Variants in CCDC138 observed in about 807,000 individuals in gnomAD.
CCDC138 encodes coiled-coil domain containing 138.
Under a neutral mutation model 82.3 loss-of-function variants are expected in CCDC138, and 66 were observed. The ratio of observed to expected loss-of-function variants is 0.80; its 90% confidence interval spans 0.66 to 0.98. The LOEUF (loss-of-function observed/expected upper bound fraction) is 0.98. Among genes scored for constraint, CCDC138 ranks in the 50% least tolerant of loss-of-function variants. The pLI is 0.00. For missense variants in CCDC138, 816 were observed against 758.9 expected, an observed-to-expected ratio of 1.08 and a Z score of -0.88; for synonymous variants, 297 against 265.4, an observed-to-expected ratio of 1.12 and a Z score of -1.16.
At chr2:108,840,796 CT>C (rs1689330492) in intron 11 of CCDC138, among the ~76,000 whole-genome samples, 1 of 151,080 alleles carries the variant, frequency 6.6e-6, no homozygotes, top group South Asian at 2.1e-4. Flanking sequence ...TTCTTTTTTT[CT>C]TTTTTTCTTT....
rs367720334 is a variant in CCDC138 at position 108,787,370 on chromosome 2, C to A, written c.93+455C>A. On this transcript the variant is annotated intron_variant, in intron 1 of 14. Transcript: ENST00000295124. ...TTTACCATTCGTTCTCTCCCCTTCC[C>A]TCCCTACAAACGCATTTTTTCCCTT... is the stretch of plus-strand genomic sequence containing the variant. Among the ~76,000 whole-genome samples, 3 of 152,324 alleles carry A rather than the reference C, an allele frequency of 2.0e-5. No homozygotes were observed. In the South Asian group the frequency reaches 6.2e-4, roughly 32 times the overall value.
intron 14 of CCDC138, among the ~76,000 whole-genome samples, chr2:108,874,869 A>G (rs1200231238): frequency 2.0e-5 from 3 of 151,940 alleles, no homozygotes; most frequent in African/African-American, 4.8e-5. Flanking sequence ...GGTGCCATGA[A>G]GCTGCAATAA....
In CCDC138 at chr2:108,812,648, A is replaced by G. The variant is rs1574025391; in HGVS notation, c.873A>G (p.Glu291=). The G allele has an allele frequency of 6.2e-7, 1 of 1,612,670 alleles. No individual in the cohort carries two copies. Among genetic ancestry groups the G allele is most frequent in the African/African-American group, 1.3e-5 (1 of 75,052 alleles). Residue 291 remains glutamate, a synonymous_variant, in exon 8 of 15, where the codon GAA becomes GAG. Coordinates refer to ENST00000295124, the MANE Select transcript of CCDC138 (RefSeq NM_144978.3). ...CCCTTTAGTTAAATGAAGCAAGTGA[A>G]GAAAACAGGAAGATAGACATTCAGG... is the stretch of plus-strand genomic sequence containing the variant. ...TLKKQLNEAS[E]ENRKIDIQAK... is the part of the protein sequence containing the mutation.
intron 6 of CCDC138, among the ~76,000 whole-genome samples, chr2:108,799,816 T>G (rs1681593502): frequency 6.6e-6 from 1 of 152,192 alleles, no homozygotes; most frequent in Admixed American, 6.5e-5. Context: ...TTCCCATTAT[T>G]TTCTTCAGTG....
In CCDC138 at chr2:108,843,886, C is replaced by G. The variant is rs865777216; in HGVS notation, c.1324-2852C>G. Among the ~76,000 whole-genome samples the G allele has an allele frequency of 2.0e-3, 192 of 93,828 alleles. 2 individuals carry two copies. The highest frequency in any genetic ancestry group is 9.4e-3 in the African/African-American group (177 of 18,772). The allele number at this position is 93,828 out of a possible 152,430, so 61.6% of individuals were successfully genotyped here. A position where few individuals can be genotyped will look rare whatever the true frequency, so the allele number is the denominator to read the frequency against. ...TGTGTGTGTGTGTGTGTGTTTCTTT[C>G]TTTTTTTTTTTTTTTTTTTTTTGAG... is the stretch of plus-strand genomic sequence containing the variant. On this transcript the variant is annotated intron_variant, in intron 11 of 14. Transcript: ENST00000295124.
chr2:108,841,417 C>G (rs1273178145), intron 11 of CCDC138, among the ~76,000 whole-genome samples: 1 of 151,504 alleles, frequency 6.6e-6, no homozygotes, highest in East Asian at 1.9e-4. Flanking sequence ...TCTGTTTTGC[C>G]TCACATATTT....
chr2:108,820,184 G>A (rs1685434599), intron 10 of CCDC138, among the ~76,000 whole-genome samples: 1 of 152,180 alleles, frequency 6.6e-6, no homozygotes, highest in African/African-American at 2.4e-5. Flanking sequence ...AAGGCAGGAG[G>A]GTCACTTGAA....
chr2:108,808,196 TAAAG>T (rs1237019257), intron 7 of CCDC138, among the ~76,000 whole-genome samples: 2 of 152,170 alleles, frequency 1.3e-5, no homozygotes, highest in Non-Finnish European at 2.9e-5. Context: ...TGTGTATGTA[TAAAG>T]AAAATGTGGT....
intron 13 of CCDC138, among the ~76,000 whole-genome samples, chr2:108,857,888 A>T (rs1692886245): frequency 6.6e-6 from 1 of 152,274 alleles, no homozygotes; most frequent in South Asian, 2.1e-4. Context: ...TATGACAGAG[A>T]TGGCATCTTT....
chr2:108,799,877 A>G (rs1030151223), intron 6 of CCDC138, among the ~76,000 whole-genome samples: 1 of 151,332 alleles, frequency 6.6e-6, no homozygotes, highest in Admixed American at 6.6e-5. Context: ...TTCTTTTTTA[A>G]TCTCCATGTT....
intron 7 of CCDC138, among the ~76,000 whole-genome samples, chr2:108,807,520 C>G (rs1479892403): frequency 3.9e-5 from 6 of 152,192 alleles, no homozygotes. Context: ...TCAAAATCCT[C>G]TCTTTATCTA....
chr2:108,796,809 C>G (rs1680990352), intron 5 of CCDC138, among the ~76,000 whole-genome samples: 1 of 151,990 alleles, frequency 6.6e-6, no homozygotes, highest in Admixed American at 6.6e-5. Context: ...TGGTGGTTAC[C>G]AGAGGCTGGG....
At position 108,862,782 on chromosome 2, in the gene CCDC138, T is replaced by C. The variant is rs115374685; in HGVS notation, c.1693+5812T>C. ...TTTTTTCCACAAACGGTTTTCTTGATGTTGGCCACCTTTTGTTTTTTTTTA... is the reference window on the plus strand; with the variant it reads ...TTTTTTCCACAAACGGTTTTCTTGACGTTGGCCACCTTTTGTTTTTTTTTA... On this transcript the variant is annotated intron_variant, in intron 13 of 14. Transcript: ENST00000295124. Among the ~76,000 whole-genome samples, 219 of 152,328 alleles carry C rather than the reference T, an allele frequency of 1.4e-3. 1 individual carries two copies. Among genetic ancestry groups the C allele is most frequent in the African/African-American group, 5.0e-3 (206 of 41,576 alleles).
intron 5 of CCDC138, among the ~76,000 whole-genome samples, chr2:108,797,485 T>C (rs1348415069): frequency 6.6e-6 from 1 of 152,136 alleles, no homozygotes; most frequent in Non-Finnish European, 1.5e-5. Context: ...TGAGGAGTGA[T>C]TCTGAAATGA....
chr2:108,850,181 A>G (rs1055202194), intron 12 of CCDC138, among the ~76,000 whole-genome samples: 2 of 151,966 alleles, frequency 1.3e-5, no homozygotes, highest in African/African-American at 4.8e-5. Context: ...CATAAGAAAA[A>G]CTCTTAAATC....
At chr2:108,819,264 T>C (rs998419488) in intron 10 of CCDC138, among the ~76,000 whole-genome samples, 2 of 152,154 alleles carry the variant, frequency 1.3e-5, no homozygotes, top group African/African-American at 2.4e-5. Context: ...TTGTGGCATT[T>C]TGCATGTGTG....
chr2:108,885,253 G>A (rs1238809706), exon 3 of CCDC138: 1 of 152,108 alleles, frequency 6.6e-6, no homozygotes, highest in Non-Finnish European at 1.5e-5. Context: ...TGTCCTGAGG[G>A]GCCAGTGCAG....
intron 7 of CCDC138, among the ~76,000 whole-genome samples, chr2:108,808,014 T>C (rs1383042293): frequency 1.3e-5 from 2 of 152,246 alleles, no homozygotes; most frequent in African/African-American, 2.4e-5. Context: ...TCTGTACTTC[T>C]GTGAGATCAA....
intron 2 of CCDC138, chr2:108,882,808 G>A (rs146428522): frequency 9.7e-4 from 147 of 152,310 alleles, no homozygotes; most frequent in African/African-American, 3.3e-3. Flanking sequence ...ACCTGAGAGT[G>A]TCAGTCTTCC....
Sources: allele counts gnomAD v4.1 joint callset (sites outside exome capture counted in the v4.1 genomes callset), GRCh38; gene constraint gnomAD v4.1.1; transcripts MANE v1.5; gene names NCBI Gene and HGNC (gene_info 2026-07-23, HGNC 2026-07-21).